Variants in FGD3 observed in about 807,000 individuals in gnomAD.
The protein encoded by FGD3 is FYVE, RhoGEF and PH domain-containing protein 3.
A neutral mutation model predicts 71.8 loss-of-function variants in FGD3; 45 were observed. The ratio of observed to expected loss-of-function variants is 0.63; its 90% CI spans 0.49 to 0.80. FGD3 has a LOEUF of 0.80. Among genes scored for constraint, FGD3 ranks in the 30% least tolerant of loss-of-function variants. The probability of loss-of-function intolerance (pLI) is 0.00; values close to 1 mark genes in which losing one functional copy is unlikely to be tolerated. For synonymous variants in FGD3, 378 were observed against 392.8 expected, an observed-to-expected ratio of 0.96 and a Z score of 0.44; for missense variants, 844 against 951.5, an observed-to-expected ratio of 0.89 and a Z score of 1.49.
intron 3 of FGD3, among the ~76,000 whole-genome samples, 163 bp from the exon 4 acceptor site, chr9:93,002,762 A>G (rs1860903360): frequency 6.6e-6 from 1 of 152,198 alleles, no homozygotes; most frequent in Non-Finnish European, 1.5e-5. Context: ...AGAACTGAGC[A>G]CCACATCGCC....
intron 1 of FGD3, among the ~76,000 whole-genome samples, chr9:92,966,311 G>A (rs1859323191): frequency 6.6e-6 from 1 of 152,174 alleles, no homozygotes; most frequent in Admixed American, 6.5e-5. Flanking sequence ...CTGCTGCCTA[G>A]TGACACGAAC....
At chr9:92,996,188 T>C (rs967565264) in intron 3 of FGD3, among the ~76,000 whole-genome samples, 9 of 152,202 alleles carry the variant, frequency 5.9e-5, no homozygotes, top group African/African-American at 1.7e-4. Context: ...ATTCAACTTC[T>C]TCCTGGTTTA....
chr9:92,979,986 CACA>C (rs1859924308), intron 3 of FGD3, among the ~76,000 whole-genome samples: 1 of 150,234 alleles, frequency 6.7e-6, no homozygotes, highest in African/African-American at 2.5e-5. Flanking sequence ...ATTTAAAAAT[CACA>C]ACATTTAGAA....
intron 1 of FGD3, among the ~76,000 whole-genome samples, chr9:92,970,659 A>G (rs1007263277): frequency 5.3e-5 from 8 of 152,206 alleles, no homozygotes; most frequent in African/African-American, 1.7e-4. Context: ...CTCGATGGGG[A>G]GTGACACATG....
Position 93,007,281 on chromosome 9 carries a change from C to T in FGD3, c.837+1101C>T, listed in dbSNP as rs1008009758. Reference sequence around the variant, plus strand: ...AATTTTTTATATTTTTTAGTAGAGACGGGGTTTCACCATGTTAGCCAGGAT... The same window carrying T: ...AATTTTTTATATTTTTTAGTAGAGATGGGGTTTCACCATGTTAGCCAGGAT... On this transcript the variant is annotated intron_variant, in intron 6 of 17. Coordinates refer to ENST00000375482, the MANE Select transcript of FGD3 (RefSeq NM_001083536.2). Among the ~76,000 whole-genome samples, 20 of 149,816 alleles carry T rather than the reference C, an allele frequency of 1.3e-4. No homozygotes were observed. The East Asian group carries it at 4.1e-3, about 30-fold the overall frequency.
At chr9:92,978,711 C>T (rs1859871285) in intron 3 of FGD3, among the ~76,000 whole-genome samples, 1 of 54,590 alleles carries the variant, frequency 1.8e-5, no homozygotes, top group African/African-American at 7.9e-5. Flanking sequence ...TTCCCCCATT[C>T]GCCTTCCTCC....
intron 14 of FGD3, among the ~76,000 whole-genome samples, chr9:93,028,480 T>G (rs1004131199): frequency 3.4e-5 from 5 of 145,086 alleles, no homozygotes; most frequent in African/African-American, 8.6e-5. Context: ...TCCTAAAGTC[T>G]TCTTAACAGT....
intron 14 of FGD3, among the ~76,000 whole-genome samples, chr9:93,026,202 G>A (rs966308362): frequency 5.3e-5 from 8 of 152,324 alleles, no homozygotes; most frequent in African/African-American, 1.4e-4. Flanking sequence ...CTGGGTCAAC[G>A]CTGGTGTGTT....
At chr9:93,023,745 G>C (rs190231804) in intron 14 of FGD3, among the ~76,000 whole-genome samples, 1 of 151,110 alleles carries the variant, frequency 6.6e-6, no homozygotes, top group Non-Finnish European at 1.5e-5. Flanking sequence ...AGCCTGCCCC[G>C]GGGGACCCTG....
At chr9:93,007,235 C>T (rs866308526) in intron 6 of FGD3, among the ~76,000 whole-genome samples, 14 of 151,836 alleles carry the variant, frequency 9.2e-5, no homozygotes, top group African/African-American at 2.9e-4. Context: ...GGACTACAGG[C>T]GCCCGCCACC....
Position 93,034,633 on chromosome 9 carries a change from C to T in FGD3, c.1878C>T (p.Ala626=), listed in dbSNP as rs1300705107. 1 of 1,613,492 alleles carries T rather than the reference C, an allele frequency of 6.2e-7. No individual in the cohort carries two copies. ...SGETWSEVWA[A]IPMSDPQVLH... ...AGACCTGGAGCGAGGTGTGGGCCGC[C>T]ATCCCCATGTCAGATCCCCAGGTGC... is the stretch of plus-strand genomic sequence containing the variant. Residue 626 remains alanine, a synonymous_variant, in exon 17 of 18, where the codon GCC becomes GCT. Transcript: ENST00000375482.
At position 92,976,431 on chromosome 9, in the gene FGD3, A is replaced by C; in HGVS notation, c.175A>C (p.Ile59Leu). The change falls in exon 3 of 18, where the codon ATA (isoleucine) becomes CTA (leucine). Residue 59 changes from isoleucine (I) to leucine (L), a missense_variant. Ile to Leu is a conservative substitution (Grantham distance 5). Transcript: ENST00000375482. ...LAAAGDGSPD[I>L]GPTGELSGSL... ...TGCAGCAGGGGACGGCTCTCCAGAC[A>C]TAGGCCCCACGGGAGAGCTGAGTGG... The C allele has an allele frequency of 6.2e-7, 1 of 1,611,952 alleles. No homozygotes were observed. Among genetic ancestry groups the C allele is most frequent in the South Asian group, 1.1e-5 (1 of 90,700 alleles).
At chr9:92,960,652 G>C (rs77660404) in intron 1 of FGD3, among the ~76,000 whole-genome samples, 1 of 152,190 alleles carries the variant, frequency 6.6e-6, no homozygotes, top group Non-Finnish European at 1.5e-5. Flanking sequence ...TCATAGTGCA[G>C]TGCTGGCAAT....
At chr9:93,030,863 T>C (rs1281662107) in intron 15 of FGD3, among the ~76,000 whole-genome samples, 5 of 151,336 alleles carry the variant, frequency 3.3e-5, no homozygotes, top group Admixed American at 6.6e-5. Context: ...GATGAGGGGA[T>C]GGATGGATAG....
intron 3 of FGD3, among the ~76,000 whole-genome samples, chr9:93,000,051 A>ATTT (rs34356006): frequency 0.04 from 5,988 of 150,796 alleles, 146 homozygotes; most frequent in East Asian, 0.12. Flanking sequence ...TGTTTAATTG[A>ATTT]TTTTTTTTTG....
Position 93,002,995 on chromosome 9 carries a change from G to T in FGD3, c.524G>T (p.Arg175Leu). The T allele has an allele frequency of 6.2e-7, 1 of 1,614,160 alleles. No individual in the cohort carries two copies. The highest frequency in any genetic ancestry group is 8.5e-7 in the Non-Finnish European group (1 of 1,180,030). ...LLHTEETYVK[R>L]LHLLDQVFCT... ...CACACCGAGGAGACCTATGTGAAGC[G>T]GCTGCACCTGCTGGACCAGGTAGCC... is the stretch of plus-strand genomic sequence containing the variant. Residue 175 changes from arginine to leucine, a missense_variant, in exon 4 of 18, where the codon CGG becomes CTG. By Grantham distance (102) the Arg-to-Leu change is moderately radical. Transcript: ENST00000375482.
Position 92,991,412 on chromosome 9 carries a change from A to G in FGD3, c.454-11513A>G, listed in dbSNP as rs192614292. The stretch of plus-strand genomic sequence containing the variant: ...TCATTCTTAATTTCTTCCTTCATCC[A>G]TTCATCATTCAGGAGCATGTTATTT... On this transcript the variant is annotated intron_variant, in intron 3 of 17. Transcript: ENST00000375482. Among the ~76,000 whole-genome samples the G allele has an allele frequency of 9.2e-5, 14 of 152,172 alleles. No homozygotes were observed. The East Asian group carries it at 9.6e-4, about 10-fold the overall frequency.
In FGD3 at chr9:93,013,919, C is replaced by T. The variant is rs1422943228; in HGVS notation, c.1103C>T (p.Ala368Val). ...GGGGAAGAAGACATTGTCAACCCGG[C>T]CAATGAACTGATCAAGGAGGGCCAA... ...LGGEEDIVNP[A>V]NELIKEGQIQ... Residue 368 changes from alanine (A) to valine (V), a missense_variant, in exon 9 of 18, where the codon GCC becomes GTC. Physicochemically the swap from Ala to Val is moderately conservative, Grantham distance 64. Transcript: ENST00000375482. 5 of 1,613,006 alleles carry T rather than the reference C, an allele frequency of 3.1e-6. No homozygotes were observed. The highest frequency in any genetic ancestry group is 4.2e-6 in the Non-Finnish European group (5 of 1,179,696).
chr9:93,034,478 C>T, intron 16 of FGD3, 63 bp from the exon 17 acceptor site: 1 of 1,517,690 alleles, frequency 6.6e-7, no homozygotes, highest in Non-Finnish European at 8.9e-7. Context: ...ACCCCAGCCT[C>T]CTCAGAACAG....
Sources: allele counts gnomAD v4.1 joint callset (sites outside exome capture counted in the v4.1 genomes callset), GRCh38; gene constraint gnomAD v4.1.1; transcripts MANE v1.5; gene names NCBI Gene and HGNC (gene_info 2026-07-23, HGNC 2026-07-21).